Variants in CACNA2D3 observed in about 807,000 individuals in gnomAD.
The protein encoded by CACNA2D3 is calcium voltage-gated channel auxiliary subunit alpha2delta 3, also known as voltage-dependent calcium channel subunit alpha-2/delta-3.
A neutral mutation model predicts 160.6 loss-of-function variants in CACNA2D3; 60 were observed. The observed-to-expected ratio is 0.37, with a 90% CI of 0.30 to 0.46. The LOEUF (loss-of-function observed/expected upper bound fraction) is 0.46, where lower values mean the gene tolerates loss of function less well. Ranked by LOEUF, CACNA2D3 falls within the 20% of genes least tolerant of loss-of-function variation. CACNA2D3 has a pLI of 1.00. For synonymous variants in CACNA2D3, 558 were observed against 492.9 expected, an observed-to-expected ratio of 1.13 and a Z score of -1.75; for missense variants, 1,205 against 1,365.0, an observed-to-expected ratio of 0.88 and a Z score of 1.85.
At chr3:54,766,648 C>G (rs1174599382) in intron 13 of CACNA2D3, among the ~76,000 whole-genome samples, 2 of 152,082 alleles carry the variant, frequency 1.3e-5, no homozygotes, top group African/African-American at 4.8e-5. Context: ...CAAGTTTGTT[C>G]TTTGCAGAGC....
intron 2 of CACNA2D3, among the ~76,000 whole-genome samples, chr3:54,291,302 T>C (rs1703198366): frequency 6.6e-6 from 1 of 152,230 alleles, no homozygotes; most frequent in East Asian, 1.9e-4. Flanking sequence ...GTTGCAGGAA[T>C]GATTAATATC....
intron 13 of CACNA2D3, among the ~76,000 whole-genome samples, chr3:54,797,660 A>G (rs1559585316): frequency 1.3e-5 from 2 of 152,200 alleles, no homozygotes; most frequent in Non-Finnish European, 2.9e-5. Context: ...TGATAAAAAT[A>G]TTTAAAGCAC....
rs150728606 is a variant in CACNA2D3 at position 54,828,570 on chromosome 3, G to A, written c.1399-8589G>A. 3.7e-3 allele frequency among the ~76,000 whole-genome samples: 569 copies of A among 152,186 alleles called. 3 individuals carry two copies. The highest frequency in any genetic ancestry group is 0.013 in the African/African-American group (533 of 41,528). ...AAGGACAGAATATCAAAATGTTCCCGAATAATAACAATTTTATTAGAAGAG... is the reference window on the plus strand; with the variant it reads ...AAGGACAGAATATCAAAATGTTCCCAAATAATAACAATTTTATTAGAAGAG... On this transcript the variant is annotated intron_variant, in intron 14 of 37. Coordinates refer to ENST00000474759, the MANE Select transcript of CACNA2D3 (RefSeq NM_018398.3).
At chr3:54,828,496 A>C (rs1049952184) in intron 14 of CACNA2D3, among the ~76,000 whole-genome samples, 1 of 152,244 alleles carries the variant, frequency 6.6e-6, no homozygotes, top group African/African-American at 2.4e-5. Context: ...AAGTTTACTC[A>C]TAAAACATAT....
At chr3:54,189,553 G>T (rs1300997411) in intron 2 of CACNA2D3, among the ~76,000 whole-genome samples, 1 of 152,132 alleles carries the variant, frequency 6.6e-6, no homozygotes, top group Non-Finnish European at 1.5e-5. Context: ...ACCATGTGGT[G>T]CTAGTTGAAT....
intron 11 of CACNA2D3, among the ~76,000 whole-genome samples, chr3:54,667,239 A>T (rs994850115): frequency 6.6e-6 from 1 of 151,998 alleles, no homozygotes; most frequent in African/African-American, 2.4e-5. Context: ...TTTTTTTTCA[A>T]ATATAATGTT....
At chr3:54,626,068 G>A in intron 9 of CACNA2D3, 1 of 556,208 alleles carries the variant, frequency 1.8e-6, no homozygotes. Context: ...CTCCCTCCTG[G>A]TGACTCCCCC....
chr3:54,499,869 C>T (rs1289654503), intron 4 of CACNA2D3, among the ~76,000 whole-genome samples: 1 of 152,024 alleles, frequency 6.6e-6, no homozygotes, highest in Admixed American at 6.6e-5. Flanking sequence ...GTATTCTTCT[C>T]TTTATGGATG....
chr3:54,500,500 CCTAT>C (rs142137376), intron 4 of CACNA2D3, among the ~76,000 whole-genome samples: 4 of 116,852 alleles, frequency 3.4e-5, no homozygotes, highest in East Asian at 2.5e-4. Flanking sequence ...TTCCTTCCTT[CCTAT>C]CTTCCTTCCT....
At chr3:54,580,138 G>C (rs1031080597) in intron 8 of CACNA2D3, among the ~76,000 whole-genome samples, 1 of 151,968 alleles carries the variant, frequency 6.6e-6, no homozygotes, top group Non-Finnish European at 1.5e-5. Flanking sequence ...CATTTTTGCC[G>C]TGCCTCAGTT....
intron 18 of CACNA2D3, 67 bp from the exon 19 acceptor site, chr3:54,878,951 A>T: frequency 1.0e-6 from 1 of 966,476 alleles, no homozygotes; most frequent in South Asian, 1.6e-5. Flanking sequence ...CACGCTGAGG[A>T]TGCAAGATGT....
At chr3:54,533,555 G>A (rs1007974197) in intron 5 of CACNA2D3, among the ~76,000 whole-genome samples, 8 of 151,906 alleles carry the variant, frequency 5.3e-5, no homozygotes, top group African/African-American at 1.9e-4. Flanking sequence ...GGCTAGTCTC[G>A]AACTCCTGAC....
rs770418958 is a variant in CACNA2D3, at chr3:54,642,140, G to A, written c.1066G>A (p.Gly356Arg). The change falls in exon 11 of 38, where the codon GGA becomes AGA. Residue 356 changes from glycine to arginine, a missense_variant. Physicochemically the swap from Gly to Arg is moderately radical, Grantham distance 125. Transcript: ENST00000474759. ...TTTCTTTCCCTAGTTCAACCACACG[G>A]GACAAGGAAGTATCTGCAGTCAGGC... is the stretch of plus-strand genomic sequence containing the variant. ...FNILSDFNHT[G>R]QGSICSQAIM... 29 of 1,610,914 alleles carry A rather than the reference G, an allele frequency of 1.8e-5. No individual in the cohort carries two copies. In the East Asian group the frequency reaches 4.7e-4, roughly 26 times the overall value.
At position 54,883,798 on chromosome 3, in the gene CACNA2D3, AAT is replaced by A. The variant is rs1491556481; in HGVS notation, c.1913-1482_1913-1481del. On this transcript the variant is annotated intron_variant, in intron 21 of 37. Coordinates refer to ENST00000474759, the MANE Select transcript of CACNA2D3 (RefSeq NM_018398.3). The stretch of plus-strand genomic sequence containing the variant: ...TTCCTGACCTCCATAGTTACAATGG[AAT>A]CTCTCTCTCTCTCTCTCTCTCTCCT... Among the ~76,000 whole-genome samples, 251 of 36,436 alleles carry A rather than the reference AAT, an allele frequency of 6.9e-3. 1 individual carries two copies. Among genetic ancestry groups the A allele is most frequent in the African/African-American group, 0.024 (236 of 9,754 alleles). 23.9% of individuals were successfully genotyped at this position (36,436 alleles called of 152,430 possible). A position where few individuals can be genotyped will look rare whatever the true frequency, so the allele number is the denominator to read the frequency against.
intron 18 of CACNA2D3, 118 bp downstream of exon 18, chr3:54,871,740 AG>A (rs3836394): frequency 0.34 from 237,324 of 705,250 alleles, 47,094 homozygotes; most frequent in East Asian, 0.68. Flanking sequence ...TGGCTACCAG[AG>A]GGACGTGGAG....
chr3:54,413,424 C>CTATATA (rs151332125), intron 4 of CACNA2D3, among the ~76,000 whole-genome samples: 1 of 145,540 alleles, frequency 6.9e-6, no homozygotes, highest in South Asian at 2.1e-4. Context: ...ATATAGATAT[C>CTATATA]TATATATATA....
chr3:54,331,009 G>A (rs1193005176), intron 3 of CACNA2D3, among the ~76,000 whole-genome samples: 1 of 152,186 alleles, frequency 6.6e-6, no homozygotes, highest in African/African-American at 2.4e-5. Context: ...GGGATGGGCA[G>A]AAGTGTGGGG....
chr3:54,469,885 A>G (rs1284994649), intron 4 of CACNA2D3, among the ~76,000 whole-genome samples: 2 of 152,132 alleles, frequency 1.3e-5, no homozygotes, highest in African/African-American at 4.8e-5. Context: ...TAGAGAAAAA[A>G]GAATGAAAAA....
chr3:54,693,557 T>A (rs1297992047), intron 11 of CACNA2D3, among the ~76,000 whole-genome samples: 2 of 152,222 alleles, frequency 1.3e-5, no homozygotes, highest in South Asian at 2.1e-4. Context: ...CATCTACTTA[T>A]TGAAAAGAAA....
Sources: gnomAD v4.1 joint callset for allele counts (sites outside exome capture counted in the v4.1 genomes callset) on GRCh38, gnomAD v4.1.1 for gene constraint, MANE v1.5 for transcripts, NCBI Gene and HGNC (gene_info 2026-07-23, HGNC 2026-07-21) for gene names.